MCTP1: variants seen among roughly 807,000 people sequenced by gnomAD.
MCTP1 encodes the protein multiple C2 and transmembrane domain-containing protein 1.
In MCTP1, 69 loss-of-function variants were observed where a neutral mutation model predicts 120.6. That is an observed-to-expected ratio of 0.57 (90% CI 0.47 to 0.70). The LOEUF is 0.70. Among genes scored for constraint, MCTP1 ranks in the 30% least tolerant of loss-of-function variants. MCTP1 has a pLI of 0.00. For synonymous variants in MCTP1, 529 were observed against 493.1 expected, an observed-to-expected ratio of 1.07 and a Z score of -0.96; for missense variants, 1,203 against 1,248.8, an observed-to-expected ratio of 0.96 and a Z score of 0.55.
At chr5:94,906,492 A>G (rs76281657) in intron 10 of MCTP1, among the ~76,000 whole-genome samples, 1 of 152,148 alleles carries the variant, frequency 6.6e-6, no homozygotes, top group African/African-American at 2.4e-5. Context: ...TCTCAAAAAC[A>G]AAAACAAGAA....
intron 5 of MCTP1, among the ~76,000 whole-genome samples, chr5:94,932,431 C>CAG (rs1210739400): frequency 5.3e-5 from 8 of 151,976 alleles, no homozygotes; most frequent in Non-Finnish European, 1.0e-4. Flanking sequence ...TCCAGTTAAT[C>CAG]TTTAACTACA....
intron 1 of MCTP1, among the ~76,000 whole-genome samples, chr5:95,128,364 T>C (rs1169140336): frequency 6.6e-6 from 1 of 152,158 alleles, no homozygotes; most frequent in Non-Finnish European, 1.5e-5. Context: ...CACACAAAAC[T>C]GTACATAAAC....
At chr5:94,709,965 T>TA (rs1756234241) in intron 21 of MCTP1, 1 of 152,138 alleles carries the variant, frequency 6.6e-6, no homozygotes. Context: ...GCTTTCAGTG[T>TA]AAGCACATGC....
At chr5:94,783,174 C>T (rs1340481185) in intron 18 of MCTP1, among the ~76,000 whole-genome samples, 1 of 152,064 alleles carries the variant, frequency 6.6e-6, no homozygotes, top group Admixed American at 6.6e-5. Context: ...TTTAAAAAAA[C>T]ACACATAGAC....
At chr5:94,925,277 G>A (rs757503750) in intron 6 of MCTP1, among the ~76,000 whole-genome samples, 20 of 152,246 alleles carry the variant, frequency 1.3e-4, no homozygotes, top group Non-Finnish European at 2.5e-4. Context: ...ATTGTATTAC[G>A]GAGAACAAGA....
chr5:94,801,290 C>T (rs972877946), intron 17 of MCTP1, among the ~76,000 whole-genome samples: 1 of 152,202 alleles, frequency 6.6e-6, no homozygotes, highest in African/African-American at 2.4e-5. Context: ...GATAAATGGA[C>T]ACTGGGTTCC....
chr5:95,063,065 G>A (rs1465559656), intron 1 of MCTP1, among the ~76,000 whole-genome samples: 3 of 152,058 alleles, frequency 2.0e-5, no homozygotes, highest in Admixed American at 6.5e-5. Context: ...CGATCCTCCC[G>A]CCTCGGCCTC....
intron 1 of MCTP1, among the ~76,000 whole-genome samples, chr5:95,142,094 A>C (rs1473424787): frequency 6.6e-6 from 1 of 152,228 alleles, no homozygotes; most frequent in Non-Finnish European, 1.5e-5. Flanking sequence ...TGAACTTGAC[A>C]TAAGAATTTT....
intron 1 of MCTP1, among the ~76,000 whole-genome samples, chr5:95,052,330 G>A (rs1746187560): frequency 6.6e-6 from 1 of 152,218 alleles, no homozygotes; most frequent in Admixed American, 6.5e-5. Context: ...TTTAGAGCTA[G>A]TGAATCATTC....
chr5:94,778,389 T>C (rs1023403196), intron 19 of MCTP1, among the ~76,000 whole-genome samples: 1 of 152,068 alleles, frequency 6.6e-6, no homozygotes, highest in African/African-American at 2.4e-5. Flanking sequence ...CTCCTTGCCA[T>C]AGAAAGCAGT....
chr5:95,247,365 G>A (rs946338788), intron 1 of MCTP1, among the ~76,000 whole-genome samples: 10 of 151,866 alleles, frequency 6.6e-5, no homozygotes, highest in South Asian at 4.2e-4. Flanking sequence ...TTGATTTTTC[G>A]AAGGGTTTTT....
intron 1 of MCTP1, among the ~76,000 whole-genome samples, chr5:95,068,629 T>C (rs1751300078): frequency 6.6e-6 from 1 of 152,226 alleles, no homozygotes; most frequent in Non-Finnish European, 1.5e-5. Context: ...GTTTTCTACT[T>C]AGTTCACTTC....
chr5:95,128,441 TG>T (rs1380002702), intron 1 of MCTP1, among the ~76,000 whole-genome samples: 1 of 152,250 alleles, frequency 6.6e-6, no homozygotes, highest in African/African-American at 2.4e-5. Flanking sequence ...AACTGATGAA[TG>T]GGTAAGTAGA....
chr5:95,200,569 AT>A (rs1242285145), intron 1 of MCTP1, among the ~76,000 whole-genome samples: 6 of 152,306 alleles, frequency 3.9e-5, no homozygotes, highest in African/African-American at 1.4e-4. Flanking sequence ...AAGCTGGGGA[AT>A]ATTGTATTAA....
rs993172772 is a variant in MCTP1, at chr5:95,230,863, T to C, written c.720+52993A>G. ...TTTTTTTAAACTGAAATTCTATACT[T>C]AGTTCGTTCATAATTTCCCATTAGC... On this transcript the variant is annotated intron_variant, in intron 1 of 22. Coordinates refer to ENST00000515393, the MANE Select transcript of MCTP1 (RefSeq NM_024717.7). 2.0e-5 allele frequency among the ~76,000 whole-genome samples: 3 copies of C among 152,152 alleles called. No individual in the cohort carries two copies. The East Asian group carries it at 5.8e-4, about 29-fold the overall frequency.
intron 2 of MCTP1, among the ~76,000 whole-genome samples, chr5:95,005,528 G>A (rs1040207433): frequency 8.5e-5 from 13 of 152,112 alleles, no homozygotes; most frequent in South Asian, 2.1e-4. Flanking sequence ...GGTGGGTGGC[G>A]ACTGAATCAT....
chr5:95,117,546 C>T (rs943750410), intron 1 of MCTP1, among the ~76,000 whole-genome samples: 20 of 152,152 alleles, frequency 1.3e-4, no homozygotes, highest in East Asian at 7.7e-4. Flanking sequence ...GAAATAGGAA[C>T]GCTTTCACAC....
chr5:95,149,062 G>A (rs1244323877), intron 1 of MCTP1, among the ~76,000 whole-genome samples: 1 of 152,192 alleles, frequency 6.6e-6, no homozygotes, highest in Non-Finnish European at 1.5e-5. Context: ...GTATTCCAGT[G>A]TTTGCTGTAG....
intron 1 of MCTP1, among the ~76,000 whole-genome samples, chr5:95,112,517 G>A (rs977505191): frequency 1.3e-5 from 2 of 152,074 alleles, no homozygotes; most frequent in Admixed American, 6.5e-5. Flanking sequence ...TTGAAGTCTA[G>A]GTAGAGATCT....
Sources: gnomAD v4.1 joint callset for allele counts (sites outside exome capture counted in the v4.1 genomes callset) on GRCh38, gnomAD v4.1.1 for gene constraint, MANE v1.5 for transcripts, NCBI Gene and HGNC (gene_info 2026-07-23, HGNC 2026-07-21) for gene names.